PAPPA2: variants seen among roughly 807,000 people sequenced by gnomAD.
The protein encoded by PAPPA2 is pappalysin 2, also known as pappalysin-2.
A neutral mutation model predicts 176.4 loss-of-function variants in PAPPA2; 86 were observed. The observed-to-expected ratio is 0.49, with a 90% CI of 0.41 to 0.58. The LOEUF is 0.58. PAPPA2 is among the 20% of genes least tolerant of loss of function. The pLI, the probability that PAPPA2 is intolerant of heterozygous loss-of-function variation, is 0.00. For synonymous variants in PAPPA2, 809 were observed against 852.2 expected, an observed-to-expected ratio of 0.95 and a Z score of 0.88; for missense variants, 2,073 against 2,256.9, an observed-to-expected ratio of 0.92 and a Z score of 1.65.
chr1:176,639,092 C>T lies in PAPPA2; in HGVS notation c.1992-31878C>T, dbSNP rs147955439. Among the ~76,000 whole-genome samples, 254 of 152,036 alleles carry T rather than the reference C, an allele frequency of 1.7e-3. 3 individuals are homozygous for T. Among genetic ancestry groups the T allele is most frequent in the African/African-American group, 5.8e-3 (242 of 41,468 alleles). On this transcript the variant is annotated intron_variant, in intron 3 of 22. Transcript: ENST00000367662. ...ATAAAAGATGAGGCTAAACAGAAGA[C>T]CCATCCATCCTTCTTTTTAGCTTGT...
At chr1:176,838,422 G>A (rs1232805991) in intron 21 of PAPPA2, among the ~76,000 whole-genome samples, 1 of 152,128 alleles carries the variant, frequency 6.6e-6, no homozygotes, top group Non-Finnish European at 1.5e-5. Flanking sequence ...AACTTACTAG[G>A]TTTTGCCAAT....
intron 1 of PAPPA2, among the ~76,000 whole-genome samples, chr1:176,485,942 C>T (rs1652626555): frequency 6.6e-6 from 1 of 152,122 alleles, no homozygotes; most frequent in Admixed American, 6.5e-5. Flanking sequence ...GGAGTGACTA[C>T]ACAAAGGAAA....
At chr1:176,589,127 A>T (rs926012153) in intron 2 of PAPPA2, among the ~76,000 whole-genome samples, 5 of 152,172 alleles carry the variant, frequency 3.3e-5, no homozygotes, top group African/African-American at 1.2e-4. Flanking sequence ...GCCACATTCA[A>T]AACTTTTTTT....
intron 12 of PAPPA2, among the ~76,000 whole-genome samples, chr1:176,727,548 G>A (rs953165774): frequency 9.9e-5 from 15 of 151,906 alleles, no homozygotes; most frequent in African/African-American, 3.1e-4. Context: ...AAGAACAGAG[G>A]CTCAAAAGAA....
chr1:176,706,483 C>T, intron 10 of PAPPA2, 33 bp downstream of exon 10: 1 of 1,582,384 alleles, frequency 6.3e-7, no homozygotes, highest in Non-Finnish European at 8.7e-7. Context: ...AAGATTGTGT[C>T]CTACTTTTAG....
At chr1:176,709,154 C>T (rs186234775) in intron 10 of PAPPA2, among the ~76,000 whole-genome samples, 40 of 152,222 alleles carry the variant, frequency 2.6e-4, no homozygotes, top group Admixed American at 6.5e-4. Flanking sequence ...GGCTTTACAA[C>T]GCCAGTATAT....
chr1:176,754,433 A>C (rs1224760456), intron 14 of PAPPA2, among the ~76,000 whole-genome samples: 2 of 152,242 alleles, frequency 1.3e-5, no homozygotes, highest in Admixed American at 1.3e-4. Context: ...TAGAAGTAAA[A>C]GTGTTTTAAG....
At chr1:176,604,446 T>C (rs1287609032) in intron 3 of PAPPA2, among the ~76,000 whole-genome samples, 1 of 152,252 alleles carries the variant, frequency 6.6e-6, no homozygotes, top group South Asian at 2.1e-4. Flanking sequence ...AATGTTCTTA[T>C]TCTAGTACAG....
rs1557878071 is a variant in PAPPA2, at chr1:176,797,610, G to A, written c.5131-2451G>A. Among the ~76,000 whole-genome samples the A allele has an allele frequency of 2.0e-5, 3 of 151,954 alleles. No individual in the cohort carries two copies. In the South Asian group the frequency reaches 6.2e-4, roughly 32 times the overall value. ...TGCAGTGAGCCATGATTGTGCCACT[G>A]AACTCCAGCCTGGGTGACTGAGACT... On this transcript the variant is annotated intron_variant, in intron 20 of 22. Transcript: ENST00000367662.
At chr1:176,799,821 A>C (rs765962445) in intron 20 of PAPPA2, among the ~76,000 whole-genome samples, 1 of 152,190 alleles carries the variant, frequency 6.6e-6, no homozygotes, top group Non-Finnish European at 1.5e-5. Context: ...CTTGGGAAAG[A>C]GGATGAAAAG....
chr1:176,605,824 A>G (rs1252658330), intron 3 of PAPPA2, among the ~76,000 whole-genome samples: 2 of 152,048 alleles, frequency 1.3e-5, no homozygotes, highest in Non-Finnish European at 2.9e-5. Context: ...TGTCAACCCT[A>G]CTCGGAGTAG....
intron 1 of PAPPA2, among the ~76,000 whole-genome samples, chr1:176,486,880 C>T (rs866348365): frequency 5.3e-5 from 8 of 151,086 alleles, no homozygotes; most frequent in East Asian, 3.9e-4. Flanking sequence ...TTAGATAGCT[C>T]GATAGTGTTT....
chr1:176,791,930 G>C (rs929714447), intron 19 of PAPPA2, among the ~76,000 whole-genome samples: 4 of 152,182 alleles, frequency 2.6e-5, no homozygotes, highest in Non-Finnish European at 5.9e-5. Flanking sequence ...GTAAAATTGA[G>C]ATTTATGGCA....
intron 1 of PAPPA2, among the ~76,000 whole-genome samples, chr1:176,520,290 G>T (rs1040354608): frequency 1.6e-4 from 24 of 152,238 alleles, no homozygotes; most frequent in African/African-American, 5.3e-4. Context: ...TTTGTTTCTG[G>T]TCAAAAATGT....
At chr1:176,735,189 T>C (rs1267210256) in intron 12 of PAPPA2, among the ~76,000 whole-genome samples, 2 of 152,060 alleles carry the variant, frequency 1.3e-5, no homozygotes, top group African/African-American at 4.8e-5. Flanking sequence ...ATGAGCGCAG[T>C]GGACCCACCA....
At chr1:176,677,147 T>A (rs528796863) in intron 4 of PAPPA2, among the ~76,000 whole-genome samples, 24 of 152,302 alleles carry the variant, frequency 1.6e-4, no homozygotes, top group African/African-American at 5.8e-4. Context: ...GGAACTGTAT[T>A]GACTAAAATC....
chr1:176,709,636 T>C (rs1165828384), intron 10 of PAPPA2, among the ~76,000 whole-genome samples: 1 of 152,206 alleles, frequency 6.6e-6, no homozygotes, highest in Non-Finnish European at 1.5e-5. Flanking sequence ...CTTATATCTC[T>C]AGTTTCTCCC....
intron 21 of PAPPA2, among the ~76,000 whole-genome samples, chr1:176,836,101 G>T (rs17378425): frequency 0.072 from 10,996 of 151,872 alleles, 434 homozygotes; most frequent in Non-Finnish European, 0.086. Flanking sequence ...TAGATTTACA[G>T]AGAACTTCTA....
chr1:176,726,487 C>A (rs1465122403), intron 12 of PAPPA2, among the ~76,000 whole-genome samples: 1 of 152,124 alleles, frequency 6.6e-6, no homozygotes, highest in Non-Finnish European at 1.5e-5. Flanking sequence ...TAAGTCTTAG[C>A]CTTGGCAATG....
Sources: gnomAD v4.1 joint callset for allele counts (sites outside exome capture counted in the v4.1 genomes callset) on GRCh38, gnomAD v4.1.1 for gene constraint, MANE v1.5 for transcripts, NCBI Gene and HGNC (gene_info 2026-07-23, HGNC 2026-07-21) for gene names.